The following ACADL variants were observed in gnomAD, a reference collection of about 807,000 sequenced individuals.
ACADL encodes the protein long-chain specific acyl-CoA dehydrogenase, mitochondrial.
A neutral mutation model predicts 56.9 loss-of-function variants in ACADL; 60 were observed. The ratio of observed to expected loss-of-function variants is 1.05; its 90% CI spans 0.86 to 1.31. The LOEUF (loss-of-function observed/expected upper bound fraction) is 1.31, where lower values mean the gene tolerates loss of function less well. Among genes scored for constraint, ACADL ranks in the 50% most tolerant of loss-of-function variants. The probability of loss-of-function intolerance (pLI) is 0.00; values close to 1 mark genes in which losing one functional copy is unlikely to be tolerated. For synonymous variants in ACADL, 158 were observed against 179.7 expected, an observed-to-expected ratio of 0.88 and a Z score of 0.97; for missense variants, 484 against 525.5, an observed-to-expected ratio of 0.92 and a Z score of 0.77.
chr2:210,205,733 C>T lies in ACADL; in HGVS notation c.667G>A (p.Ala223Thr), dbSNP rs1286612485. ...CTAATACCATGGGCAGGGGAGGGAG[C>T]TTCATGATTTGTGACCGCAACTACA... ...VIVVAVTNHE[A>T]PSPAHGISLF... The change falls in exon 6 of 11, where the codon GCT becomes ACT. Residue 223 changes from alanine to threonine, a missense_variant. Ala to Thr is a moderately conservative substitution (Grantham distance 58). Transcript: ENST00000233710. 15 of 1,614,016 alleles carry T rather than the reference C, an allele frequency of 9.3e-6. No individual in the cohort carries two copies. Among genetic ancestry groups the T allele is most frequent in the Non-Finnish European group, 1.3e-5 (15 of 1,179,958 alleles).
At chr2:210,191,211 C>G (rs1688628198) in intron 10 of ACADL, among the ~76,000 whole-genome samples, 1 of 152,056 alleles carries the variant, frequency 6.6e-6, no homozygotes, top group Non-Finnish European at 1.5e-5. Context: ...CCGCACGTGG[C>G]CTCAGTGGCT....
chr2:210,203,269 C>T (rs1688825880), intron 8 of ACADL, 62 bp downstream of exon 8: 4 of 1,137,054 alleles, frequency 3.5e-6, no homozygotes, highest in Non-Finnish European at 5.3e-6. Context: ...TCTATTTACC[C>T]CAGGCCATTT....
chr2:210,192,792 A>G lies in ACADL; in HGVS notation c.1199+12T>C. 6.2e-7 allele frequency: 1 copy of G among 1,601,600 alleles called. No homozygotes were observed. Among genetic ancestry groups the G allele is most frequent in the South Asian group, 1.1e-5 (1 of 90,814 alleles). ...CATCATAAAGAAGAGTGTATCAGAA[A>G]ACTATACTTACTTTGCAATTGGGTA... is the stretch of plus-strand genomic sequence containing the variant. On this transcript the variant is annotated intron_variant, in intron 10 of 10. Coordinates refer to ENST00000233710, the MANE Select transcript of ACADL (RefSeq NM_001608.4).
At chr2:210,193,009 T>G in intron 9 of ACADL, 119 bp from the exon 10 acceptor site, 1 of 733,916 alleles carries the variant, frequency 1.4e-6, no homozygotes, top group Non-Finnish European at 2.4e-6. Flanking sequence ...ATTAAGCAAT[T>G]AGAACGGCAT....
chr2:210,220,152 G>A (rs1156989545), intron 2 of ACADL, among the ~76,000 whole-genome samples: 2 of 152,118 alleles, frequency 1.3e-5, no homozygotes, highest in African/African-American at 2.4e-5. Flanking sequence ...AAATTGAGGA[G>A]CATCTGTACT....
rs3768807 is a variant in ACADL at position 210,224,971 on chromosome 2, G to T, written c.77+216C>A. ...GGGCTCGGCGGTCTGTTCTCGGGGC[G>T]GCACGGCTGACACCCCTTTTTCCTC... is the stretch of plus-strand genomic sequence containing the variant. On this transcript the variant is annotated intron_variant, in intron 1 of 10. Coordinates refer to ENST00000233710, the MANE Select transcript of ACADL (RefSeq NM_001608.4). 1.4e-4 allele frequency: 187 copies of T among 1,378,804 alleles called. No individual in the cohort carries two copies. The East Asian group carries it at 5.2e-3, about 38-fold the overall frequency. The allele number at this position is 1,378,804 out of a possible 1,614,324, so 85.4% of individuals were successfully genotyped here.
At chr2:210,201,164 G>A (rs1424879574) in intron 8 of ACADL, among the ~76,000 whole-genome samples, 1 of 152,196 alleles carries the variant, frequency 6.6e-6, no homozygotes, top group Non-Finnish European at 1.5e-5. Context: ...AGCCTCTCCT[G>A]TTCCTGTGTG....
chr2:210,215,525 T>C (rs1466361248), intron 4 of ACADL, among the ~76,000 whole-genome samples: 1 of 152,220 alleles, frequency 6.6e-6, no homozygotes, highest in Non-Finnish European at 1.5e-5. Flanking sequence ...AAATGAAATA[T>C]AATGCCCAGA....
intron 8 of ACADL, among the ~76,000 whole-genome samples, chr2:210,199,804 G>A (rs911471626): frequency 6.6e-6 from 1 of 152,134 alleles, no homozygotes; most frequent in African/African-American, 2.4e-5. Flanking sequence ...GAGTACAATA[G>A]TGAGATCTCA....
At chr2:210,201,213 C>T (rs938318077) in intron 8 of ACADL, among the ~76,000 whole-genome samples, 3 of 152,076 alleles carry the variant, frequency 2.0e-5, no homozygotes, top group African/African-American at 4.8e-5. Context: ...GAGAACTGCT[C>T]GCAGGACTTT....
intron 8 of ACADL, among the ~76,000 whole-genome samples, chr2:210,197,888 A>T (rs920437899): frequency 6.6e-6 from 1 of 152,226 alleles, no homozygotes. Flanking sequence ...TGTCTCCAAG[A>T]GTACATAATT....
intron 10 of ACADL, among the ~76,000 whole-genome samples, chr2:210,190,490 A>G (rs1688614159): frequency 6.6e-6 from 1 of 152,194 alleles, no homozygotes; most frequent in Admixed American, 6.5e-5. Flanking sequence ...TATGTTACTA[A>G]TTAAATTTAG....
At chr2:210,205,523 T>A in intron 6 of ACADL, 109 bp downstream of exon 6, 1 of 1,089,140 alleles carries the variant, frequency 9.2e-7, no homozygotes, top group East Asian at 2.5e-5. Flanking sequence ...ATTTTAGGAA[T>A]TCAGCATAGG....
intron 9 of ACADL, among the ~76,000 whole-genome samples, chr2:210,194,503 C>T (rs1688678814): frequency 6.6e-6 from 1 of 152,142 alleles, no homozygotes; most frequent in Non-Finnish European, 1.5e-5. Context: ...TTAAAATATA[C>T]AAAAGTCTGA....
chr2:210,206,907 C>A (rs1322066121), intron 5 of ACADL, among the ~76,000 whole-genome samples: 1 of 152,092 alleles, frequency 6.6e-6, no homozygotes, highest in African/African-American at 2.4e-5. Flanking sequence ...AGGACCTGGA[C>A]CTGAATAAGT....
chr2:210,220,551 A>G (rs1689158128), intron 2 of ACADL, 96 bp downstream of exon 2: 6 of 1,138,948 alleles, frequency 5.3e-6, no homozygotes, highest in Non-Finnish European at 7.9e-6. Context: ...AGCCCTGAAC[A>G]TACTATGTTT....
At chr2:210,204,298 G>C (rs1233953779) in intron 7 of ACADL, among the ~76,000 whole-genome samples, 2 of 152,150 alleles carry the variant, frequency 1.3e-5, no homozygotes, top group African/African-American at 2.4e-5. Flanking sequence ...TTGAATTGTA[G>C]TTAAGAAGCT....
chr2:210,193,800 T>A (rs61685290), intron 9 of ACADL, among the ~76,000 whole-genome samples: 106 of 152,202 alleles, frequency 7.0e-4, no homozygotes, highest in African/African-American at 2.5e-3. Flanking sequence ...GCTTCTCAAG[T>A]AGGAGTTACT....
At chr2:210,194,733 A>G (rs1233692636) in intron 9 of ACADL, among the ~76,000 whole-genome samples, 1 of 152,194 alleles carries the variant, frequency 6.6e-6, no homozygotes, top group South Asian at 2.1e-4. Flanking sequence ...CATTTCACAG[A>G]TAACAAAAAC....
Sources: allele counts gnomAD v4.1 joint callset (sites outside exome capture counted in the v4.1 genomes callset), GRCh38; gene constraint gnomAD v4.1.1; transcripts MANE v1.5; gene names NCBI Gene and HGNC (gene_info 2026-07-23, HGNC 2026-07-21).